The following DPYSL5 variants were observed in gnomAD, a reference collection of about 807,000 sequenced individuals.
DPYSL5 encodes dihydropyrimidinase like 5.
Under a neutral mutation model 58.4 loss-of-function variants are expected in DPYSL5, and 9 were observed. That is an observed-to-expected ratio of 0.15 (90% confidence interval 0.09 to 0.27). The LOEUF (loss-of-function observed/expected upper bound fraction) is 0.27, where lower values mean the gene tolerates loss of function less well. Ranked by LOEUF, DPYSL5 falls within the 10% of genes least tolerant of loss-of-function variation. The pLI is 1.00. For synonymous variants in DPYSL5, 293 were observed against 301.9 expected, an observed-to-expected ratio of 0.97 and a Z score of 0.31; for missense variants, 499 against 770.6, an observed-to-expected ratio of 0.65 and a Z score of 4.17.
chr2:26,917,724 A>G (rs1664603714), intron 2 of DPYSL5, among the ~76,000 whole-genome samples: 1 of 152,240 alleles, frequency 6.6e-6, no homozygotes, highest in Non-Finnish European at 1.5e-5. Context: ...AGCGCAGGTG[A>G]TAAGCTGATG....
chr2:26,894,025 G>T (rs1245508639), intron 1 of DPYSL5, among the ~76,000 whole-genome samples: 2 of 148,402 alleles, frequency 1.3e-5, no homozygotes, highest in African/African-American at 2.5e-5. Context: ...ATCCTTATTA[G>T]AATTTATATT....
intron 1 of DPYSL5, among the ~76,000 whole-genome samples, chr2:26,876,641 G>A (rs951100815): frequency 6.6e-6 from 1 of 152,010 alleles, no homozygotes; most frequent in Admixed American, 6.5e-5. Context: ...TCCGCCTCCC[G>A]AGTACCTGGG....
rs1391261078 is a variant in DPYSL5 at position 26,949,903 on chromosome 2, C to CA, written c.*2911dup. On this transcript the variant is annotated 3_prime_UTR_variant, in exon 13 of 13. Coordinates refer to ENST00000288699, the MANE Select transcript of DPYSL5 (RefSeq NM_020134.4). ...CTCTGGTTGCACTGAATGCAGCTCTCAAACTGGTCTTGTACTTGCTGAATA... is the reference window on the plus strand; with the variant it reads ...CTCTGGTTGCACTGAATGCAGCTCTCAAAACTGGTCTTGTACTTGCTGAATA... 1 of 152,386 alleles carries CA rather than the reference C, an allele frequency of 6.6e-6. No individual in the cohort carries two copies. Among genetic ancestry groups the CA allele is most frequent in the Non-Finnish European group, 1.5e-5 (1 of 68,180 alleles). 9.4% of individuals were successfully genotyped at this position (152,386 alleles called of 1,614,324 possible).
Position 26,934,580 on chromosome 2 carries a change from A to C in DPYSL5, c.793A>C (p.Lys265Gln). The C allele has an allele frequency of 1.9e-6, 3 of 1,611,896 alleles. No individual in the cohort carries two copies. The South Asian group carries it at 3.3e-5, about 18-fold the overall frequency. Residue 265 changes from lysine (K) to glutamine (Q), a missense_variant and splice_region_variant, in exon 8 of 13, where the codon AAG (lysine) becomes CAG (glutamine). By Grantham distance (53) the Lys-to-Gln change is moderately conservative. Around this residue, in one of 3 missense-constraint regions of DPYSL5, gnomAD observed 404 missense variants for 647.6 expected, o/e 0.62. Coordinates refer to ENST00000288699, the MANE Select transcript of DPYSL5 (RefSeq NM_020134.4). The surrounding 1 kb of genome is among the most constrained non-coding windows in gnomAD (Gnocchi z 4.3). ...GGTTCTGACCTTTCTTCTTCCAGGG[A>C]AGGTTGTGCTGGCGGAGACCACCAC... ...DVIAAAKMQGKVVLAETTTAH... is the reference protein window; with the variant it reads ...DVIAAAKMQGQVVLAETTTAH...
intron 2 of DPYSL5, among the ~76,000 whole-genome samples, chr2:26,912,865 G>A (rs1664476895): frequency 6.6e-6 from 1 of 152,212 alleles, no homozygotes; most frequent in South Asian, 2.1e-4. Flanking sequence ...CTAAGCTGCA[G>A]TTAGGTCCGA....
At chr2:26,902,993 T>C (rs1312611007) in intron 2 of DPYSL5, among the ~76,000 whole-genome samples, 2 of 152,106 alleles carry the variant, frequency 1.3e-5, no homozygotes, top group Admixed American at 6.5e-5. Flanking sequence ...AAGAAATGAC[T>C]GTAAAAATGG....
rs1274209075 is a variant in DPYSL5 at position 26,858,338 on chromosome 2, A to AT, written c.-5+10090dup. Among the ~76,000 whole-genome samples, 16 of 151,846 alleles carry AT rather than the reference A, an allele frequency of 1.1e-4. No homozygotes were observed. The East Asian group carries it at 2.9e-3, about 28-fold the overall frequency. Reference sequence around the variant, plus strand: ...AGGCACGCGCCACCAAGCCCGGCTAATTTTTTGTAGTTTTAGTAAAGACGG... The same window carrying AT: ...AGGCACGCGCCACCAAGCCCGGCTAATTTTTTTGTAGTTTTAGTAAAGACGG... On this transcript the variant is annotated intron_variant, in intron 1 of 12. Transcript: ENST00000288699.
At chr2:26,893,711 T>C (rs1403782074) in intron 1 of DPYSL5, among the ~76,000 whole-genome samples, 1 of 152,152 alleles carries the variant, frequency 6.6e-6, no homozygotes, top group Non-Finnish European at 1.5e-5. Flanking sequence ...CTGATAGGAC[T>C]GTCTTTGAGG....
intron 1 of DPYSL5, among the ~76,000 whole-genome samples, chr2:26,861,449 C>G (rs1349312845): frequency 6.6e-6 from 1 of 152,190 alleles, no homozygotes; most frequent in Non-Finnish European, 1.5e-5. Context: ...TGAATACCTG[C>G]ACTGGGCCAG....
rs369807128 is a variant in DPYSL5, at chr2:26,917,546, G to C, written c.262-7341G>C. Among the ~76,000 whole-genome samples the C allele has an allele frequency of 5.3e-5, 8 of 152,220 alleles. No individual in the cohort carries two copies. The East Asian group carries it at 1.2e-3, about 22-fold the overall frequency. ...GTGCTGGGGTTGGGTGTGGGGTTGG[G>C]GGGTGGTGCAAAGAGGATGGAGTGG... On this transcript the variant is annotated intron_variant, in intron 2 of 12. Transcript: ENST00000288699.
At chr2:26,903,441 C>T (rs1024627352) in intron 2 of DPYSL5, among the ~76,000 whole-genome samples, 1 of 152,158 alleles carries the variant, frequency 6.6e-6, no homozygotes, top group Non-Finnish European at 1.5e-5. Flanking sequence ...GGATAGGGAC[C>T]CCTTTCCTGG....
chr2:26,855,785 C>T (rs1665864674), intron 1 of DPYSL5, among the ~76,000 whole-genome samples: 1 of 152,166 alleles, frequency 6.6e-6, no homozygotes, highest in African/African-American at 2.4e-5. Context: ...TCCTGTCCCT[C>T]CCTTTGTCCT....
intron 1 of DPYSL5, among the ~76,000 whole-genome samples, chr2:26,870,037 A>G (rs1363152975): frequency 6.6e-6 from 1 of 152,162 alleles, no homozygotes; most frequent in Non-Finnish European, 1.5e-5. Flanking sequence ...AACATAATGT[A>G]TCTTCTTTTT....
rs1168654763 is a variant in DPYSL5, at chr2:26,917,644, CCCCA to C, written c.262-7238_262-7235del. ...AAGTGGTCAGGTGTCCTCAGCAACC[CCCCA>C]CCCATGTGAATTAGCTGAGTTGACA... On this transcript the variant is annotated intron_variant, in intron 2 of 12. Transcript: ENST00000288699. 7.9e-5 allele frequency among the ~76,000 whole-genome samples: 12 copies of C among 152,254 alleles called. No individual in the cohort carries two copies. In the East Asian group the frequency reaches 2.3e-3, roughly 29 times the overall value.
At chr2:26,884,520 T>TCTCTCACACA (rs35489206) in intron 1 of DPYSL5, among the ~76,000 whole-genome samples, 19 of 145,634 alleles carry the variant, frequency 1.3e-4, no homozygotes, top group African/African-American at 2.0e-4. Context: ...TTGTCCTATC[T>TCTCTCACACA]CACACACACA....
In DPYSL5 at chr2:26,944,818, C is replaced by A; in HGVS notation, c.1603C>A (p.Leu535Ile). 6.2e-7 allele frequency: 1 copy of A among 1,613,998 alleles called. No homozygotes were observed. Among genetic ancestry groups the A allele is most frequent in the Non-Finnish European group, 8.5e-7 (1 of 1,179,946 alleles). ...GGACCTTCACGAATCCAGCTTCAGC[C>A]TCTCTGGTAAGAGTCAGGGGGCCAC... ...MRDLHESSFSLSGSQIDDHVP... is the reference protein window; with the variant it reads ...MRDLHESSFSISGSQIDDHVP... Residue 535 changes from leucine (L) to isoleucine (I), a missense_variant, in exon 12 of 13, where the codon CTC (leucine) becomes ATC (isoleucine). This residue lies in a region of DPYSL5 where 33 missense variants were observed against 63.8 expected (regional missense o/e 0.52). Transcript: ENST00000288699. The surrounding 1 kb of genome is among the most constrained non-coding windows in gnomAD (Gnocchi z 4.4).
chr2:26,897,820 G>C (rs989185152), intron 1 of DPYSL5, among the ~76,000 whole-genome samples: 12 of 152,164 alleles, frequency 7.9e-5, no homozygotes, highest in African/African-American at 2.9e-4. Context: ...TGCATCTCTG[G>C]GGGTGGGGCT....
chr2:26,929,056 C>T (rs1025293772), intron 5 of DPYSL5, among the ~76,000 whole-genome samples: 5 of 151,976 alleles, frequency 3.3e-5, no homozygotes, highest in Admixed American at 2.0e-4. Flanking sequence ...AGGTGAGCAG[C>T]GGGCCAGCTG....
chr2:26,940,631 C>T (rs756008777), intron 9 of DPYSL5, among the ~76,000 whole-genome samples: 23 of 151,664 alleles, frequency 1.5e-4, no homozygotes, highest in Non-Finnish European at 2.6e-4. Context: ...CCCAGCTATA[C>T]ATTATTTTAA....
Sources: allele counts gnomAD v4.1 joint callset (sites outside exome capture counted in the v4.1 genomes callset), GRCh38; gene constraint gnomAD v4.1.1; regional missense constraint gnomAD v4.1.1; non-coding constraint Gnocchi (gnomAD v3.1); transcripts MANE v1.5; gene names NCBI Gene and HGNC (gene_info 2026-07-23, HGNC 2026-07-21).